Variants in FAM184A observed in about 807,000 individuals in gnomAD.
FAM184A encodes the protein family with sequence similarity 184 member A, also known as protein FAM184A.
A neutral mutation model predicts 143.8 loss-of-function variants in FAM184A; 99 were observed. That is an observed-to-expected ratio of 0.69 (90% CI 0.58 to 0.81). FAM184A has a LOEUF of 0.81. Among genes scored for constraint, FAM184A ranks in the 40% least tolerant of loss-of-function variants. FAM184A has a pLI of 0.00. For synonymous variants in FAM184A, 427 were observed against 446.4 expected (o/e 0.96, Z 0.55); for missense variants, 1,217 against 1,310.5 (o/e 0.93, Z 1.10).
chr6:118,979,798 T>C (rs571669630), intron 10 of FAM184A, among the ~76,000 whole-genome samples: 9 of 152,174 alleles, frequency 5.9e-5, no homozygotes, highest in African/African-American at 2.2e-4. Context: ...ATCCCAGCAG[T>C]TTGGGAGGAC....
intron 1 of FAM184A, among the ~76,000 whole-genome samples, chr6:119,117,991 G>A (rs138828353): frequency 6.6e-6 from 1 of 152,226 alleles, no homozygotes; most frequent in East Asian, 1.9e-4. Context: ...ATCACCCAGA[G>A]GGTCAAGAAG....
At chr6:118,966,812 A>T (rs756809117) in intron 15 of FAM184A, 23 bp downstream of exon 15, 6 of 1,208,200 alleles carry the variant, frequency 5.0e-6, no homozygotes, top group Non-Finnish European at 7.2e-6. Flanking sequence ...TAACATGGTT[A>T]GACTAAAACC....
At chr6:119,135,864 A>G (rs1789645862) in intron 1 of FAM184A, among the ~76,000 whole-genome samples, 1 of 151,994 alleles carries the variant, frequency 6.6e-6, no homozygotes, top group African/African-American at 2.4e-5. Context: ...ATATTAAAAT[A>G]TATATTATTC....
intron 3 of FAM184A, among the ~76,000 whole-genome samples, chr6:119,021,251 T>C (rs953193880): frequency 6.6e-6 from 1 of 152,046 alleles, no homozygotes; most frequent in African/African-American, 2.4e-5. Context: ...GATAAGCCAA[T>C]CAAAATCAAA....
chr6:119,083,775 A>G (rs1788138612), intron 1 of FAM184A, among the ~76,000 whole-genome samples: 1 of 152,174 alleles, frequency 6.6e-6, no homozygotes, highest in South Asian at 2.1e-4. Flanking sequence ...AGGAAGTTCC[A>G]AACTTTCCCA....
intron 1 of FAM184A, among the ~76,000 whole-genome samples, chr6:119,109,480 G>C (rs1788873892): frequency 6.6e-6 from 1 of 151,966 alleles, no homozygotes; most frequent in Non-Finnish European, 1.5e-5. Context: ...CTCTCTCTCT[G>C]TCTGTCTCTC....
chr6:119,000,875 ATGAG>A (rs1031088358), intron 9 of FAM184A, among the ~76,000 whole-genome samples: 1 of 151,712 alleles, frequency 6.6e-6, no homozygotes, highest in Admixed American at 6.6e-5. Flanking sequence ...GCTAAAGGAA[ATGAG>A]TGAGACCAGT....
intron 1 of FAM184A, among the ~76,000 whole-genome samples, chr6:119,100,189 A>G (rs629897): frequency 3.3e-5 from 5 of 152,084 alleles, no homozygotes; most frequent in African/African-American, 1.2e-4. Context: ...TTTTTTCTAC[A>G]CAGAGGTGAT....
chr6:119,119,963 G>A lies in FAM184A; in HGVS notation c.-202+29115C>T, dbSNP rs533867840. On this transcript the variant is annotated intron_variant, in intron 1 of 16. Transcript: ENST00000352896. ...TGTGCCGCTGCAGCACAGCATGGGT[G>A]ACACAGCAAGACCCTGCCCCAAATG... Among the ~76,000 whole-genome samples, 37 of 152,310 alleles carry A rather than the reference G, an allele frequency of 2.4e-4. 1 individual carries two copies. The South Asian group carries it at 7.0e-3, about 29-fold the overall frequency.
chr6:119,016,361 G>A (rs1785253594), intron 5 of FAM184A, among the ~76,000 whole-genome samples: 1 of 151,998 alleles, frequency 6.6e-6, no homozygotes, highest in East Asian at 1.9e-4. Flanking sequence ...CACTCTTTGG[G>A]TCCACGCTGC....
chr6:119,123,795 C>T (rs1323901797), intron 1 of FAM184A, among the ~76,000 whole-genome samples: 2 of 152,180 alleles, frequency 1.3e-5, no homozygotes, highest in East Asian at 3.9e-4. Flanking sequence ...GTTTGGGTCA[C>T]AGAATCTTAA....
intron 15 of FAM184A, among the ~76,000 whole-genome samples, chr6:118,966,503 T>C (rs1783505371): frequency 6.6e-6 from 1 of 152,148 alleles, no homozygotes; most frequent in South Asian, 2.1e-4. Flanking sequence ...TGCTAGCCAA[T>C]CCTAATACTA....
intron 1 of FAM184A, among the ~76,000 whole-genome samples, chr6:119,054,483 T>C (rs1786885557): frequency 6.6e-6 from 1 of 152,140 alleles, no homozygotes; most frequent in Non-Finnish European, 1.5e-5. Context: ...TGGACCTCTT[T>C]TATAAGGGAA....
At chr6:119,032,932 C>A (rs1785947627) in intron 1 of FAM184A, among the ~76,000 whole-genome samples, 1 of 152,158 alleles carries the variant, frequency 6.6e-6, no homozygotes, top group Non-Finnish European at 1.5e-5. Flanking sequence ...TCTCAAACTT[C>A]TCAAAAACAG....
chr6:118,961,404 C>A (rs1783320394), intron 17 of FAM184A, among the ~76,000 whole-genome samples: 3 of 150,888 alleles, frequency 2.0e-5, no homozygotes, highest in Middle Eastern at 7.8e-3. Flanking sequence ...ACAAAAACCA[C>A]TTAGTAAACA....
chr6:119,081,816 G>C (rs1372521699), upstream of FAM184A, among the ~76,000 whole-genome samples: 2 of 152,188 alleles, frequency 1.3e-5, no homozygotes, highest in Non-Finnish European at 2.9e-5. Context: ...GTGCCTATCA[G>C]TGCATTGCTC....
intron 5 of FAM184A, among the ~76,000 whole-genome samples, chr6:119,014,549 T>C (rs984041784): frequency 5.3e-5 from 8 of 152,232 alleles, no homozygotes; most frequent in Non-Finnish European, 7.3e-5. Flanking sequence ...AGAGAATACA[T>C]ACTTTCAACT....
chr6:118,992,922 C>T (rs1273862727), intron 9 of FAM184A, among the ~76,000 whole-genome samples: 1 of 152,086 alleles, frequency 6.6e-6, no homozygotes, highest in Non-Finnish European at 1.5e-5. Flanking sequence ...ACAGCAAGAC[C>T]CTATCTCAAA....
chr6:119,122,240 C>T (rs1308638776), intron 1 of FAM184A, among the ~76,000 whole-genome samples: 1 of 152,160 alleles, frequency 6.6e-6, no homozygotes. Flanking sequence ...CGGAAAAAGG[C>T]CTCTGAAGGG....
Sources: gnomAD v4.1 joint callset for allele counts (sites outside exome capture counted in the v4.1 genomes callset) on GRCh38, gnomAD v4.1.1 for gene constraint, MANE v1.5 for transcripts, NCBI Gene and HGNC (gene_info 2026-07-23, HGNC 2026-07-21) for gene names.